The following TTC29 variants were observed in gnomAD, a reference collection of about 807,000 sequenced individuals.
TTC29 encodes the protein tetratricopeptide repeat protein 29.
In TTC29, 49 loss-of-function variants were observed where a neutral mutation model predicts 58.1. That is an observed-to-expected ratio of 0.84 (90% CI 0.67 to 1.07). TTC29 has a LOEUF of 1.07. TTC29 is among the 50% of genes least tolerant of loss of function. The pLI, the probability that TTC29 is intolerant of heterozygous loss-of-function variation, is 0.00. For synonymous variants in TTC29, 209 were observed against 196.8 expected, an observed-to-expected ratio of 1.06 and a Z score of -0.52; for missense variants, 582 against 555.6, an observed-to-expected ratio of 1.05 and a Z score of -0.48.
chr4:146,868,557 T>A lies in TTC29; in HGVS notation c.800-974A>T, dbSNP rs528140204. 2.0e-5 allele frequency among the ~76,000 whole-genome samples: 3 copies of A among 152,254 alleles called. No individual in the cohort carries two copies. In the East Asian group the frequency reaches 5.8e-4, roughly 29 times the overall value. ...TAATTCCTGCAATATCTTACTAATTTTATTTCAGAAATTAACCACTTCTTT... is the reference window on the plus strand; with the variant it reads ...TAATTCCTGCAATATCTTACTAATTATATTTCAGAAATTAACCACTTCTTT... On this transcript the variant is annotated intron_variant, in intron 7 of 12. Transcript: ENST00000325106.
At chr4:146,781,703 A>T (rs1220331841) in intron 11 of TTC29, among the ~76,000 whole-genome samples, 3 of 151,940 alleles carry the variant, frequency 2.0e-5, no homozygotes, top group Admixed American at 2.0e-4. Context: ...CCTTATCTCA[A>T]ATTATTAATA....
intron 7 of TTC29, among the ~76,000 whole-genome samples, chr4:146,873,233 G>A (rs1731049658): frequency 6.6e-6 from 1 of 152,076 alleles, no homozygotes; most frequent in African/African-American, 2.4e-5. Context: ...GATCAAAGTA[G>A]GAGACAAGAG....
At chr4:146,820,382 C>G in intron 9 of TTC29, 134 bp from the exon 10 acceptor site, 1 of 1,023,760 alleles carries the variant, frequency 9.8e-7, no homozygotes, top group South Asian at 1.8e-5. Context: ...GTGTAAATAC[C>G]AAATTAAAAT....
intron 11 of TTC29, among the ~76,000 whole-genome samples, chr4:146,750,645 T>C (rs1357089346): frequency 2.0e-5 from 3 of 152,246 alleles, no homozygotes. Flanking sequence ...GGTTAAATTA[T>C]TATCGGCTTA....
chr4:146,839,412 A>G (rs1290152036), intron 8 of TTC29, among the ~76,000 whole-genome samples: 6 of 152,052 alleles, frequency 3.9e-5, no homozygotes, highest in Non-Finnish European at 8.8e-5. Context: ...TTTGAGCATT[A>G]TACATTTTAT....
At chr4:146,929,481 A>G (rs1171543252) in intron 4 of TTC29, among the ~76,000 whole-genome samples, 3 of 152,188 alleles carry the variant, frequency 2.0e-5, no homozygotes, top group Non-Finnish European at 4.4e-5. Context: ...GAAAAACAGG[A>G]TGCTTCCATG....
At chr4:146,717,037 A>G (rs1024124736) in intron 11 of TTC29, among the ~76,000 whole-genome samples, 4 of 152,282 alleles carry the variant, frequency 2.6e-5, no homozygotes, top group East Asian at 1.9e-4. Context: ...CTGCCTTTTA[A>G]CAGGATCCCA....
chr4:146,942,127 T>C (rs1395153881), intron 2 of TTC29, among the ~76,000 whole-genome samples: 2 of 152,234 alleles, frequency 1.3e-5, no homozygotes, highest in Non-Finnish European at 1.5e-5. Context: ...AGAATTCTAA[T>C]GGAGATCAGT....
chr4:146,861,467 G>A (rs1278540030), intron 8 of TTC29, among the ~76,000 whole-genome samples: 1 of 152,116 alleles, frequency 6.6e-6, no homozygotes, highest in Non-Finnish European at 1.5e-5. Context: ...ATTTATTAGT[G>A]TAACTATTTT....
intron 11 of TTC29, among the ~76,000 whole-genome samples, chr4:146,731,498 A>G (rs549328552): frequency 1.3e-5 from 2 of 152,102 alleles, no homozygotes; most frequent in South Asian, 4.1e-4. Context: ...GCAGAGAGAG[A>G]GTTGTATTTA....
chr4:146,939,293 A>C (rs1736139511), intron 3 of TTC29, among the ~76,000 whole-genome samples: 1 of 152,146 alleles, frequency 6.6e-6, no homozygotes, highest in African/African-American at 2.4e-5. Context: ...GTCTCTACTA[A>C]AAATACAAAA....
intron 8 of TTC29, among the ~76,000 whole-genome samples, chr4:146,850,811 TATG>T (rs1729468450): frequency 1.3e-5 from 2 of 152,234 alleles, no homozygotes; most frequent in South Asian, 2.1e-4. Context: ...TTTTAATATC[TATG>T]ATATTATAAA....
chr4:146,739,978 A>C (rs1321692469), intron 11 of TTC29, among the ~76,000 whole-genome samples: 1 of 152,080 alleles, frequency 6.6e-6, no homozygotes, highest in Admixed American at 6.6e-5. Context: ...TCCTAGGAAA[A>C]GTCTCCTAAG....
intron 11 of TTC29, among the ~76,000 whole-genome samples, chr4:146,790,457 G>C (rs574515075): frequency 8.6e-5 from 13 of 151,826 alleles, no homozygotes; most frequent in African/African-American, 3.1e-4. Flanking sequence ...AAAGTGCTGA[G>C]ATTACAGGCG....
At chr4:146,771,573 C>T (rs1254883657) in intron 11 of TTC29, among the ~76,000 whole-genome samples, 4 of 152,098 alleles carry the variant, frequency 2.6e-5, no homozygotes, top group African/African-American at 4.8e-5. Flanking sequence ...ATCCATATTG[C>T]TGCAAAGGAC....
At chr4:146,938,277 C>G (rs558665517) in intron 3 of TTC29, among the ~76,000 whole-genome samples, 1 of 152,118 alleles carries the variant, frequency 6.6e-6, no homozygotes, top group East Asian at 1.9e-4. Context: ...ATCAACCTCT[C>G]ATAACTATGA....
intron 7 of TTC29, among the ~76,000 whole-genome samples, chr4:146,872,255 TA>T (rs1730982403): frequency 6.6e-6 from 1 of 151,850 alleles, no homozygotes; most frequent in African/African-American, 2.4e-5. Flanking sequence ...CACATGAAAA[TA>T]GATGATAAGA....
chr4:146,833,606 CACAG>C (rs1338639136), intron 9 of TTC29, among the ~76,000 whole-genome samples, 196 bp downstream of exon 9: 1 of 152,098 alleles, frequency 6.6e-6, no homozygotes, highest in African/African-American at 2.4e-5. Flanking sequence ...ACGAAGGAGG[CACAG>C]ACAAAGAAGA....
rs1307428881 is a variant in TTC29, at chr4:146,874,590, T to C, written c.799+126A>G. On this transcript the variant is annotated intron_variant, in intron 7 of 12. Transcript: ENST00000325106. ...ACAGTGAAATTTGAAAGTAAATTGA[T>C]GGCATTTGTCTTTGCATTTCATAGG... 5 of 757,380 alleles carry C rather than the reference T, an allele frequency of 6.6e-6. No individual in the cohort carries two copies. In the African/African-American group the frequency reaches 7.1e-5, roughly 11 times the overall value. 46.9% of individuals were successfully genotyped at this position (757,380 alleles called of 1,614,324 possible).
Sources: allele counts gnomAD v4.1 joint callset (sites outside exome capture counted in the v4.1 genomes callset), GRCh38; gene constraint gnomAD v4.1.1; transcripts MANE v1.5; gene names NCBI Gene and HGNC (gene_info 2026-07-23, HGNC 2026-07-21).